Variants in LGR6 observed in about 807,000 individuals in gnomAD.
The protein encoded by LGR6 is leucine-rich repeat-containing G protein-coupled receptor 6.
LGR6 carries 45 observed loss-of-function variants against 69.4 expected under a neutral mutation model. The observed-to-expected ratio is 0.65, with a 90% CI of 0.51 to 0.83. The LOEUF is 0.83. LGR6 is among the 40% of genes least tolerant of loss of function. The pLI, the probability that LGR6 is intolerant of heterozygous loss-of-function variation, is 0.00. For synonymous variants in LGR6, 538 were observed against 555.0 expected (o/e 0.97, Z 0.43); for missense variants, 1,108 against 1,246.7 (o/e 0.89, Z 1.68).
At chr1:202,259,288 G>A (rs1293067904) in intron 4 of LGR6, among the ~76,000 whole-genome samples, 1 of 152,108 alleles carries the variant, frequency 6.6e-6, no homozygotes, top group South Asian at 2.1e-4. Context: ...AATGAATTGA[G>A]TATCATTCCA....
At chr1:202,294,978 A>G (rs532506822) in intron 6 of LGR6, among the ~76,000 whole-genome samples, 2 of 152,350 alleles carry the variant, frequency 1.3e-5, no homozygotes, top group South Asian at 4.1e-4. Flanking sequence ...AATAGCAAGC[A>G]AAGTCTCTGA....
At chr1:202,280,202 C>A (rs529293233) in intron 5 of LGR6, among the ~76,000 whole-genome samples, 41 of 152,204 alleles carry the variant, frequency 2.7e-4, no homozygotes, top group Non-Finnish European at 5.3e-4. Context: ...AATGCCCTTC[C>A]TTCTGCTTGT....
chr1:202,197,289 C>A, intron 1 of LGR6: 1 of 449,674 alleles, frequency 2.2e-6, no homozygotes, highest in Non-Finnish European at 4.5e-6. Context: ...GTCTTTATAG[C>A]CAACTGGTAT....
chr1:202,229,943 A>G (rs1660879492), intron 3 of LGR6, among the ~76,000 whole-genome samples: 2 of 152,168 alleles, frequency 1.3e-5, no homozygotes, highest in South Asian at 4.1e-4. Context: ...CTGATGTCTG[A>G]TGTCAATTTC....
At chr1:202,205,022 C>A (rs111214250) in intron 1 of LGR6, among the ~76,000 whole-genome samples, 4 of 2,938 alleles carry the variant, frequency 1.4e-3, no homozygotes, top group Admixed American at 5.6e-3. Flanking sequence ...ACACACACCT[C>A]ACACACCTCC....
intron 4 of LGR6, among the ~76,000 whole-genome samples, chr1:202,241,699 A>G (rs1437199190): frequency 6.6e-6 from 1 of 151,480 alleles, no homozygotes. Flanking sequence ...CAGCATGGCA[A>G]AGCAGAAGAA....
At chr1:202,214,387 T>G (rs1659618885) in intron 1 of LGR6, 2 of 671,646 alleles carry the variant, frequency 3.0e-6, no homozygotes, top group South Asian at 2.3e-5. Flanking sequence ...CGAGGCCGCC[T>G]CCCCACTTCC....
At chr1:202,246,954 A>G (rs1375352920) in intron 4 of LGR6, among the ~76,000 whole-genome samples, 1 of 152,222 alleles carries the variant, frequency 6.6e-6, no homozygotes. Flanking sequence ...GTTCATCTGC[A>G]TACAAAGTTC....
chr1:202,299,560 G>A (rs1384833903), intron 7 of LGR6, among the ~76,000 whole-genome samples: 3 of 152,146 alleles, frequency 2.0e-5, no homozygotes, highest in Non-Finnish European at 4.4e-5. Context: ...TGAGGACAGG[G>A]CCCCTGTCTT....
intron 1 of LGR6, among the ~76,000 whole-genome samples, chr1:202,199,715 G>A (rs1273532186): frequency 6.6e-6 from 1 of 152,186 alleles, no homozygotes; most frequent in African/African-American, 2.4e-5. Flanking sequence ...GGGAGGCCCT[G>A]CTGGGCGCAG....
intron 6 of LGR6, among the ~76,000 whole-genome samples, chr1:202,290,403 C>T (rs1357532118): frequency 6.6e-6 from 1 of 152,202 alleles, no homozygotes; most frequent in Non-Finnish European, 1.5e-5. Flanking sequence ...GTCCATTTAT[C>T]CTCTCTCCCT....
chr1:202,296,079 C>T (rs921874468), intron 6 of LGR6, among the ~76,000 whole-genome samples: 1 of 152,096 alleles, frequency 6.6e-6, no homozygotes, highest in African/African-American at 2.4e-5. Flanking sequence ...CAAAACCCTG[C>T]CAAGTCACTC....
intron 3 of LGR6, among the ~76,000 whole-genome samples, chr1:202,230,306 A>ATCT (rs959006116): frequency 6.6e-6 from 1 of 150,878 alleles, no homozygotes; most frequent in Non-Finnish European, 1.5e-5. Flanking sequence ...TACTCTTAAG[A>ATCT]TCTTCTTCTT....
chr1:202,285,454 G>A (rs906677281), intron 6 of LGR6, among the ~76,000 whole-genome samples: 2 of 152,240 alleles, frequency 1.3e-5, no homozygotes, highest in African/African-American at 4.8e-5. Context: ...TGTGACAGGT[G>A]CAAGTCACCT....
chr1:202,217,326 T>TGA (rs1659851726), intron 1 of LGR6, among the ~76,000 whole-genome samples: 2 of 152,106 alleles, frequency 1.3e-5, no homozygotes, highest in Non-Finnish European at 2.9e-5. Flanking sequence ...CTGGGTCTCG[T>TGA]CCCTCCCTGA....
chr1:202,307,703 A>G (rs145300623), intron 14 of LGR6, among the ~76,000 whole-genome samples: 4 of 151,944 alleles, frequency 2.6e-5, no homozygotes, highest in Admixed American at 6.6e-5. Context: ...ACCAACAAAG[A>G]GGATATATTG....
chr1:202,314,165 C>T (rs1047974989), intron 16 of LGR6, among the ~76,000 whole-genome samples: 7 of 152,172 alleles, frequency 4.6e-5, no homozygotes, highest in Non-Finnish European at 1.0e-4. Context: ...TCCATTGATC[C>T]TGGTTCTACC....
chr1:202,276,816 A>G (rs1174672678), intron 5 of LGR6, among the ~76,000 whole-genome samples: 1 of 152,228 alleles, frequency 6.6e-6, no homozygotes, highest in Non-Finnish European at 1.5e-5. Context: ...TGCACATATA[A>G]TAACTATACC....
intron 10 of LGR6, 85 bp from the exon 11 acceptor site, chr1:202,304,474 G>C (rs1413800271): frequency 2.2e-6 from 2 of 917,884 alleles, no homozygotes; most frequent in Non-Finnish European, 3.4e-6. Flanking sequence ...TCCCACGACA[G>C]TATCAGGTCC....
Sources: gnomAD v4.1 joint callset for allele counts (sites outside exome capture counted in the v4.1 genomes callset) on GRCh38, gnomAD v4.1.1 for gene constraint, MANE v1.5 for transcripts, NCBI Gene and HGNC (gene_info 2026-07-23, HGNC 2026-07-21) for gene names.